SVIL: variants seen among roughly 807,000 people sequenced by gnomAD.
The protein encoded by SVIL is archvillin.
In SVIL, 101 loss-of-function variants were observed where a neutral mutation model predicts 240.4. The observed-to-expected ratio is 0.42, with a 90% CI of 0.36 to 0.50. The LOEUF (loss-of-function observed/expected upper bound fraction) is 0.50, where lower values mean the gene tolerates loss of function less well. SVIL is among the 20% of genes least tolerant of loss of function. SVIL has a pLI of 0.01. For synonymous variants in SVIL, 999 were observed against 1,100.0 expected, an observed-to-expected ratio of 0.91 and a Z score of 1.82; for missense variants, 2,512 against 2,818.7, an observed-to-expected ratio of 0.89 and a Z score of 2.46.
chr10:29,634,804 G>C lies in SVIL; in HGVS notation c.-585C>G, dbSNP rs933632810. ...CATCCCAAAAGTTCCTCTCCAAAAA[G>C]AACGCCAAAATATTAATAAAAAGAG... On this transcript the variant is annotated 5_prime_UTR_variant, in exon 1 of 38. Coordinates refer to ENST00000355867, the MANE Select transcript of SVIL (RefSeq NM_021738.3). 6.6e-6 allele frequency: 1 copy of C among 152,124 alleles called. No homozygotes were observed. The highest frequency in any genetic ancestry group is 1.5e-5 in the Non-Finnish European group (1 of 68,034). 9.4% of individuals were successfully genotyped at this position (152,124 alleles called of 1,614,324 possible).
intron 1 of SVIL, among the ~76,000 whole-genome samples, chr10:29,690,674 T>C (rs1229847926): frequency 1.3e-5 from 2 of 152,180 alleles, no homozygotes; most frequent in Non-Finnish European, 2.9e-5. Context: ...TTGTCTCAAT[T>C]CTTTTAAAAA....
intron 3 of SVIL, among the ~76,000 whole-genome samples, chr10:29,657,111 G>A (rs1317682975): frequency 6.6e-6 from 1 of 152,176 alleles, no homozygotes; most frequent in Non-Finnish European, 1.5e-5. Context: ...AAGCCACTGA[G>A]CTGCAGATAC....
At chr10:29,696,101 G>A (rs1270028992) in intron 1 of SVIL, among the ~76,000 whole-genome samples, 4 of 151,732 alleles carry the variant, frequency 2.6e-5, no homozygotes, top group Non-Finnish European at 5.9e-5. Context: ...GCAGGCGCGC[G>A]CCGCCACGCC....
At chr10:29,677,724 A>T (rs1026571808) in intron 2 of SVIL, among the ~76,000 whole-genome samples, 1 of 152,168 alleles carries the variant, frequency 6.6e-6, no homozygotes, top group African/African-American at 2.4e-5. Flanking sequence ...ACCAGCGAGG[A>T]TACATTTTCA....
chr10:29,700,228 T>A (rs1018717580), intron 1 of SVIL, among the ~76,000 whole-genome samples: 20 of 152,268 alleles, frequency 1.3e-4, no homozygotes, highest in African/African-American at 4.8e-4. Flanking sequence ...GGAATGCACG[T>A]AAAATAAAGA....
chr10:29,472,899 G>A (rs1485590838), intron 30 of SVIL, among the ~76,000 whole-genome samples: 1 of 152,328 alleles, frequency 6.6e-6, no homozygotes, highest in East Asian at 1.9e-4. Flanking sequence ...GGACTGAGAA[G>A]GATGGGAGAA....
At chr10:29,506,454 C>T (rs1259647148) in intron 17 of SVIL, among the ~76,000 whole-genome samples, 1 of 152,138 alleles carries the variant, frequency 6.6e-6, no homozygotes, top group South Asian at 2.1e-4. Flanking sequence ...GAGATGACTA[C>T]GGGAGGACCC....
At chr10:29,712,636 C>A (rs1963368873) in intron 1 of SVIL, among the ~76,000 whole-genome samples, 1 of 152,148 alleles carries the variant, frequency 6.6e-6, no homozygotes, top group Non-Finnish European at 1.5e-5. Context: ...GGGACTAAGA[C>A]AGCTTGCAAC....
intron 16 of SVIL, among the ~76,000 whole-genome samples, chr10:29,520,962 G>T (rs61096200): frequency 0.12 from 17,935 of 150,888 alleles, 1,340 homozygotes; most frequent in African/African-American, 0.21. Flanking sequence ...GGTGGCTCAC[G>T]CCTGTAATCC....
chr10:29,508,060 T>C (rs543288295), intron 17 of SVIL: 1 of 260,652 alleles, frequency 3.8e-6, no homozygotes, highest in African/African-American at 2.2e-5. Flanking sequence ...AGTTAATTTA[T>C]AGAAGATTGT....
intron 36 of SVIL, 31 bp downstream of exon 36, chr10:29,462,246 C>T (rs774524362): frequency 2.0e-5 from 32 of 1,607,844 alleles, no homozygotes; most frequent in Non-Finnish European, 2.6e-5. Flanking sequence ...GGCGCAGGAG[C>T]CACCTTCATA....
At chr10:29,624,182 A>AAAC (rs397726533) in intron 1 of SVIL, among the ~76,000 whole-genome samples, 2 of 149,194 alleles carry the variant, frequency 1.3e-5, no homozygotes, top group African/African-American at 2.5e-5. Flanking sequence ...AAAAAAAAAA[A>AAAC]CCCCTAGCAT....
chr10:29,649,611 T>G (rs935796930), intron 3 of SVIL, among the ~76,000 whole-genome samples: 2 of 152,104 alleles, frequency 1.3e-5, no homozygotes, highest in African/African-American at 4.8e-5. Context: ...TCAAAAAAAT[T>G]GAAGCTCAAA....
At chr10:29,628,870 T>C (rs1957976246) in intron 1 of SVIL, among the ~76,000 whole-genome samples, 1 of 152,144 alleles carries the variant, frequency 6.6e-6, no homozygotes, top group Non-Finnish European at 1.5e-5. Flanking sequence ...ATTTTTAAAA[T>C]AAGGCCGCCA....
At chr10:29,599,423 C>CTT (rs35242004) in intron 1 of SVIL, among the ~76,000 whole-genome samples, 4 of 149,528 alleles carry the variant, frequency 2.7e-5, no homozygotes, top group Non-Finnish European at 4.5e-5. Context: ...TGTTTTAAAA[C>CTT]TTTTTTTTTT....
At chr10:29,669,499 T>A (rs902640780) in intron 2 of SVIL, among the ~76,000 whole-genome samples, 3 of 152,198 alleles carry the variant, frequency 2.0e-5, no homozygotes, top group African/African-American at 7.2e-5. Flanking sequence ...GAGAGTGACA[T>A]GATCTCAATT....
rs58164251 is a variant in SVIL, at chr10:29,665,227, C to CAAAAA, written c.-300-7164_-300-7160dup. 5.3e-4 allele frequency among the ~76,000 whole-genome samples: 36 copies of CAAAAA among 67,368 alleles called. 1 individual carries two copies. Among genetic ancestry groups the CAAAAA allele is most frequent in the African/African-American group, 2.1e-3 (33 of 16,006 alleles). The allele number at this position is 67,368 out of a possible 152,430, so 44.2% of individuals were successfully genotyped here. On this transcript the variant is annotated intron_variant, in intron 2 of 35. Coordinates refer to the SVIL transcript ENST00000375400. ...TGGGTGACAGAGCAAGATCTTGTCT[C>CAAAAA]AAAAAAAAAAAAAAAAAAAAAAAAG...
chr10:29,637,677 A>C (rs1174077234), upstream of SVIL, among the ~76,000 whole-genome samples: 2 of 152,200 alleles, frequency 1.3e-5, no homozygotes, highest in African/African-American at 2.4e-5. Flanking sequence ...GCCATTCAAC[A>C]AACAGTGCTA....
chr10:29,637,594 A>G (rs145704479), upstream of SVIL, among the ~76,000 whole-genome samples: 48 of 152,354 alleles, frequency 3.2e-4, 1 homozygote, highest in East Asian at 9.3e-3. Flanking sequence ...AGAGAGACAC[A>G]TAACATAGAT....
Sources: gnomAD v4.1 joint callset for allele counts (sites outside exome capture counted in the v4.1 genomes callset) on GRCh38, gnomAD v4.1.1 for gene constraint, MANE v1.5 for transcripts, NCBI Gene and HGNC (gene_info 2026-07-23, HGNC 2026-07-21) for gene names.